Variants in SLC12A8 observed in about 807,000 individuals in gnomAD.
SLC12A8 encodes solute carrier family 12 member 8, also known as cation-chloride cotransporter 9.
Under a neutral mutation model 75.6 loss-of-function variants are expected in SLC12A8, and 69 were observed. The ratio of observed to expected loss-of-function variants is 0.91; its 90% CI spans 0.75 to 1.11. The LOEUF is 1.11. SLC12A8 is among the 50% of genes most tolerant of loss of function. The pLI is 0.00. For missense variants in SLC12A8, 877 were observed against 896.7 expected, an observed-to-expected ratio of 0.98 and a Z score of 0.28; for synonymous variants, 365 against 372.8, an observed-to-expected ratio of 0.98 and a Z score of 0.24.
chr3:125,164,708 G>C (rs1934248580), intron 5 of SLC12A8, among the ~76,000 whole-genome samples: 1 of 152,352 alleles, frequency 6.6e-6, no homozygotes, highest in South Asian at 2.1e-4. Flanking sequence ...CTGAGCCTGG[G>C]CGCCCATCTC....
intron 5 of SLC12A8, among the ~76,000 whole-genome samples, chr3:125,162,815 G>T (rs938436844): frequency 6.6e-6 from 1 of 152,152 alleles, no homozygotes; most frequent in Non-Finnish European, 1.5e-5. Flanking sequence ...AGGAATGAGG[G>T]CAGTAAGAGG....
chr3:125,208,787 CACACAGAG>C (rs1272645304), intron 2 of SLC12A8, among the ~76,000 whole-genome samples: 6 of 106,292 alleles, frequency 5.6e-5, no homozygotes, highest in East Asian at 2.2e-4. Context: ...CACACACACA[CACACAGAG>C]AGAGAGAGAG....
chr3:125,099,193 A>G (rs1166101580), intron 10 of SLC12A8, among the ~76,000 whole-genome samples: 1 of 151,918 alleles, frequency 6.6e-6, no homozygotes, highest in Non-Finnish European at 1.5e-5. Flanking sequence ...ATGCAGACAC[A>G]GGGGGCAACT....
chr3:125,093,927 G>A (rs1333443104), intron 10 of SLC12A8, among the ~76,000 whole-genome samples: 1 of 151,980 alleles, frequency 6.6e-6, no homozygotes, highest in African/African-American at 2.4e-5. Flanking sequence ...AAATATTTCA[G>A]CCCCTGGTTC....
At chr3:125,183,672 TAC>T (rs1379280204) in intron 4 of SLC12A8, among the ~76,000 whole-genome samples, 1 of 152,168 alleles carries the variant, frequency 6.6e-6, no homozygotes, top group African/African-American at 2.4e-5. Context: ...ATTGTTTTTA[TAC>T]AGAGTCCAGC....
chr3:125,137,735 C>T (rs1220987090), intron 5 of SLC12A8, among the ~76,000 whole-genome samples: 2 of 152,242 alleles, frequency 1.3e-5, no homozygotes, highest in Non-Finnish European at 2.9e-5. Context: ...AGAGGGATTT[C>T]AGGCCCAATA....
intron 5 of SLC12A8, among the ~76,000 whole-genome samples, chr3:125,163,966 A>G (rs1934233855): frequency 6.6e-6 from 1 of 152,154 alleles, no homozygotes; most frequent in Admixed American, 6.5e-5. Flanking sequence ...TTTGGTCCTG[A>G]GCTGAGCGTG....
At chr3:125,160,829 G>A (rs187376228) in intron 5 of SLC12A8, among the ~76,000 whole-genome samples, 13 of 135,790 alleles carry the variant, frequency 9.6e-5, no homozygotes, top group Non-Finnish European at 1.6e-4. Context: ...CATGGGACTC[G>A]GAGGGAGCTG....
At chr3:125,177,349 T>A (rs1016805419) in intron 5 of SLC12A8, among the ~76,000 whole-genome samples, 3 of 149,162 alleles carry the variant, frequency 2.0e-5, no homozygotes, top group East Asian at 4.0e-4. Flanking sequence ...GGGGGAGGAT[T>A]GCATTAGGAG....
At chr3:125,136,255 C>T (rs1579496718) in intron 5 of SLC12A8, among the ~76,000 whole-genome samples, 1 of 152,146 alleles carries the variant, frequency 6.6e-6, no homozygotes, top group South Asian at 2.1e-4. Flanking sequence ...CCCTACTCAT[C>T]CCTTGCTTTT....
chr3:125,098,037 T>TAAAC (rs1938759932), intron 10 of SLC12A8, among the ~76,000 whole-genome samples: 1 of 152,184 alleles, frequency 6.6e-6, no homozygotes, highest in African/African-American at 2.4e-5. Context: ...ACAGCAGATA[T>TAAAC]AAACACTTTA....
chr3:125,152,721 T>G (rs1344181272), intron 5 of SLC12A8, among the ~76,000 whole-genome samples: 1 of 152,196 alleles, frequency 6.6e-6, no homozygotes, highest in Non-Finnish European at 1.5e-5. Flanking sequence ...AGGAGGGTAT[T>G]TCTTTCCATT....
chr3:125,180,673 AAAT>A (rs896379747), intron 4 of SLC12A8, among the ~76,000 whole-genome samples: 1 of 151,902 alleles, frequency 6.6e-6, no homozygotes, highest in Non-Finnish European at 1.5e-5. Context: ...CCTGGGCAGA[AAAT>A]AATAATAATA....
intron 5 of SLC12A8, among the ~76,000 whole-genome samples, chr3:125,144,279 G>A (rs1933719749): frequency 6.6e-6 from 1 of 152,174 alleles, no homozygotes; most frequent in African/African-American, 2.4e-5. Flanking sequence ...TACCCTATGA[G>A]GTAGATGGAT....
At chr3:125,102,650 T>C (rs942114541) in intron 10 of SLC12A8, among the ~76,000 whole-genome samples, 1 of 152,072 alleles carries the variant, frequency 6.6e-6, no homozygotes, top group African/African-American at 2.4e-5. Flanking sequence ...GCAACACCTA[T>C]GACATTTCTA....
intron 5 of SLC12A8, among the ~76,000 whole-genome samples, chr3:125,142,716 C>T (rs1302436243): frequency 2.6e-5 from 4 of 152,224 alleles, no homozygotes; most frequent in Admixed American, 2.0e-4. Flanking sequence ...ATGAGCTCCC[C>T]GGAGATGCCA....
At chr3:125,178,854 A>G (rs1169544332) in intron 4 of SLC12A8, among the ~76,000 whole-genome samples, 1 of 152,234 alleles carries the variant, frequency 6.6e-6, no homozygotes, top group Non-Finnish European at 1.5e-5. Context: ...TCCCTGCTCC[A>G]GGTTAGGCTT....
chr3:125,178,556 A>G (rs1934587660), intron 4 of SLC12A8, among the ~76,000 whole-genome samples: 1 of 152,218 alleles, frequency 6.6e-6, no homozygotes, highest in Non-Finnish European at 1.5e-5. Flanking sequence ...GATTAAATGC[A>G]TTATATGCCC....
intron 12 of SLC12A8, 100 bp from the exon 13 acceptor site, chr3:125,088,470 ACG>A: frequency 1.0e-5 from 9 of 893,990 alleles, no homozygotes; most frequent in Non-Finnish European, 1.7e-5. Flanking sequence ...ATACACACAC[ACG>A]CACAGAATTA....
Sources: allele counts gnomAD v4.1 joint callset (sites outside exome capture counted in the v4.1 genomes callset), GRCh38; gene constraint gnomAD v4.1.1; transcripts MANE v1.5; gene names NCBI Gene and HGNC (gene_info 2026-07-23, HGNC 2026-07-21).